DLGAP4: variants seen among roughly 807,000 people sequenced by gnomAD.
DLGAP4 encodes the protein disks large-associated protein 4.
Under a neutral mutation model 86.9 loss-of-function variants are expected in DLGAP4, and 18 were observed. That is an observed-to-expected ratio of 0.21 (90% CI 0.14 to 0.31). The LOEUF (loss-of-function observed/expected upper bound fraction) is 0.31. Ranked by LOEUF, DLGAP4 falls within the 10% of genes least tolerant of loss-of-function variation. The probability of loss-of-function intolerance (pLI) is 1.00; values close to 1 mark genes in which losing one functional copy is unlikely to be tolerated. For missense variants in DLGAP4, 1,085 were observed against 1,362.6 expected (o/e 0.80, Z 3.21); for synonymous variants, 548 against 574.3 (o/e 0.95, Z 0.65).
intron 2 of DLGAP4, among the ~76,000 whole-genome samples, chr20:36,401,731 G>A (rs115839362): frequency 6.6e-6 from 1 of 152,174 alleles, no homozygotes; most frequent in Admixed American, 6.5e-5. Flanking sequence ...AATGAAGACC[G>A]CTTTTGACAG....
At chr20:36,346,032 C>T (rs782653806) in intron 1 of DLGAP4, among the ~76,000 whole-genome samples, 12 of 152,350 alleles carry the variant, frequency 7.9e-5, no homozygotes, top group Non-Finnish European at 2.9e-5. Flanking sequence ...GCTGGGACTA[C>T]AGGTGTGAGC....
chr20:36,332,517 G>A (rs1241781394), intron 1 of DLGAP4, among the ~76,000 whole-genome samples: 1 of 152,006 alleles, frequency 6.6e-6, no homozygotes, highest in African/African-American at 2.4e-5. Flanking sequence ...AGCCTCCCTA[G>A]TAGCTGGGAC....
chr20:36,444,606 G>A (rs1216130173), intron 6 of DLGAP4, among the ~76,000 whole-genome samples: 4 of 151,208 alleles, frequency 2.6e-5, no homozygotes, highest in African/African-American at 7.3e-5. Flanking sequence ...GTCAAATGTG[G>A]CTCCTGTGAC....
chr20:36,462,476 GC>G, intron 7 of DLGAP4: 3 of 1,566,656 alleles, frequency 1.9e-6, no homozygotes, highest in Non-Finnish European at 2.6e-6. Context: ...TTCAGCCCTA[GC>G]CCCCTGTCTC....
intron 2 of DLGAP4, among the ~76,000 whole-genome samples, chr20:36,412,575 A>G (rs1351628506): frequency 6.6e-6 from 1 of 152,110 alleles, no homozygotes; most frequent in Non-Finnish European, 1.5e-5. Flanking sequence ...ATTTCTCTCT[A>G]TGCCTCTGTT....
intron 1 of DLGAP4, among the ~76,000 whole-genome samples, chr20:36,353,567 C>G (rs2030230907): frequency 6.6e-6 from 1 of 152,242 alleles, no homozygotes; most frequent in Non-Finnish European, 1.5e-5. Context: ...TGGTTACAAA[C>G]TCAGCACATG....
At chr20:36,461,198 A>AGCCCCCCCCCC (rs2034023221) in intron 7 of DLGAP4, 3 of 151,092 alleles carry the variant, frequency 2.0e-5, no homozygotes, top group East Asian at 2.0e-4. Flanking sequence ...AGGGGCGGCG[A>AGCCCCCCCCCC]CCCCACCCCC....
intron 7 of DLGAP4, chr20:36,462,596 C>T: frequency 6.3e-7 from 1 of 1,597,612 alleles, no homozygotes; most frequent in Non-Finnish European, 8.5e-7. Flanking sequence ...GCTCTTGAAG[C>T]AATGTGAGTG....
At chr20:36,331,160 C>A (rs985314668) in intron 1 of DLGAP4, among the ~76,000 whole-genome samples, 2 of 152,190 alleles carry the variant, frequency 1.3e-5, no homozygotes, top group African/African-American at 4.8e-5. Flanking sequence ...GCTACTTCCA[C>A]GTGGTGAGAA....
At chr20:36,481,707 G>A (rs550253033) in intron 7 of DLGAP4, among the ~76,000 whole-genome samples, 1 of 152,290 alleles carries the variant, frequency 6.6e-6, no homozygotes, top group African/African-American at 2.4e-5. Flanking sequence ...GCTGGAATGG[G>A]GTGGAGTTGA....
rs1402329214 is a variant in DLGAP4, at chr20:36,306,854, C to T, written c.-304+342C>T. The stretch of plus-strand genomic sequence containing the variant: ...TTTTCCCGCGGACTCCCCCGTACCC[C>T]ATATCAAGCGGCTGCCAAAGCCTGG... On this transcript the variant is annotated intron_variant, in intron 1 of 12. Transcript: ENST00000339266. The surrounding 1 kb of genome is among the most constrained non-coding windows in gnomAD (Gnocchi z 4.9). 1.3e-5 allele frequency among the ~76,000 whole-genome samples: 2 copies of T among 152,166 alleles called. No homozygotes were observed. Among genetic ancestry groups the T allele is most frequent in the Non-Finnish European group, 2.9e-5 (2 of 68,018 alleles).
intron 7 of DLGAP4, among the ~76,000 whole-genome samples, chr20:36,476,713 T>C (rs2034954493): frequency 1.4e-5 from 2 of 143,614 alleles, no homozygotes; most frequent in East Asian, 4.0e-4. Flanking sequence ...TGGTTTTTTT[T>C]TTTTTTTTTT....
At chr20:36,386,434 C>T (rs994303482) in intron 2 of DLGAP4, among the ~76,000 whole-genome samples, 1 of 125,154 alleles carries the variant, frequency 8.0e-6, no homozygotes, top group African/African-American at 3.1e-5. Context: ...GAGGGAGAAA[C>T]AAAGAAGGAA....
chr20:36,523,825 G>A (rs960987917), intron 10 of DLGAP4, among the ~76,000 whole-genome samples: 11 of 152,026 alleles, frequency 7.2e-5, no homozygotes, highest in African/African-American at 2.2e-4. Flanking sequence ...CATTATGTCC[G>A]GCTAATTTTC....
intron 1 of DLGAP4, among the ~76,000 whole-genome samples, chr20:36,328,283 T>C (rs2065236058): frequency 6.6e-6 from 1 of 152,144 alleles, no homozygotes; most frequent in South Asian, 2.1e-4. Flanking sequence ...TGGTTGGGTG[T>C]GCCCCTTAAT....
At chr20:36,395,463 G>A (rs933785796) in intron 2 of DLGAP4, among the ~76,000 whole-genome samples, 1 of 151,966 alleles carries the variant, frequency 6.6e-6, no homozygotes, top group African/African-American at 2.4e-5. Flanking sequence ...GGCCCTCAGC[G>A]GTCAGCAATG....
chr20:36,339,575 T>C (rs1189832165), intron 1 of DLGAP4, among the ~76,000 whole-genome samples: 14 of 152,240 alleles, frequency 9.2e-5, no homozygotes, highest in Non-Finnish European at 1.6e-4. Flanking sequence ...TTGTAGAGAC[T>C]GAGTTTTGCT....
At chr20:36,440,204 C>T (rs1157957151) in intron 5 of DLGAP4, among the ~76,000 whole-genome samples, 1 of 152,184 alleles carries the variant, frequency 6.6e-6, no homozygotes, top group African/African-American at 2.4e-5. Context: ...TGTCACTTGA[C>T]AGTATGAACC....
intron 2 of DLGAP4, among the ~76,000 whole-genome samples, chr20:36,413,660 C>T (rs1040797456): frequency 1.3e-5 from 2 of 151,460 alleles, no homozygotes; most frequent in Non-Finnish European, 2.9e-5. Flanking sequence ...ACCTCGTGAT[C>T]CACCCTCCTC....
Sources: gnomAD v4.1 joint callset for allele counts (sites outside exome capture counted in the v4.1 genomes callset) on GRCh38, gnomAD v4.1.1 for gene constraint, Gnocchi (gnomAD v3.1) non-coding constraint, MANE v1.5 for transcripts, NCBI Gene and HGNC (gene_info 2026-07-23, HGNC 2026-07-21) for gene names.